Variants in CLASP2 observed in about 807,000 individuals in gnomAD.
CLASP2 encodes cytoplasmic linker associated protein 2.
In CLASP2, 47 loss-of-function variants were observed where a neutral mutation model predicts 194.4. That is an observed-to-expected ratio of 0.24 (90% CI 0.19 to 0.31). The LOEUF is 0.31. Among genes scored for constraint, CLASP2 ranks in the 10% least tolerant of loss-of-function variants. The pLI, the probability that CLASP2 is intolerant of heterozygous loss-of-function variation, is 1.00. For synonymous variants in CLASP2, 619 were observed against 633.5 expected, an observed-to-expected ratio of 0.98 and a Z score of 0.34; for missense variants, 1,445 against 1,823.6, an observed-to-expected ratio of 0.79 and a Z score of 3.78.
At chr3:33,569,965 A>C (rs1437411420) in intron 26 of CLASP2, among the ~76,000 whole-genome samples, 1 of 152,172 alleles carries the variant, frequency 6.6e-6, no homozygotes, top group Non-Finnish European at 1.5e-5. Context: ...AGTGAAATTC[A>C]TTAATATTTT....
intron 5 of CLASP2, among the ~76,000 whole-genome samples, chr3:33,685,030 T>TA (rs201257373): frequency 5.8e-4 from 82 of 140,238 alleles, no homozygotes; most frequent in East Asian, 1.5e-3. Flanking sequence ...AATAAATAAA[T>TA]AATAATAATA....
intron 6 of CLASP2, chr3:33,682,979 A>T (rs1369580146): frequency 2.0e-5 from 3 of 152,164 alleles, no homozygotes; most frequent in Non-Finnish European, 4.4e-5. Flanking sequence ...AACATTTTGC[A>T]ATTGTAAGAA....
chr3:33,552,910 T>G (rs1340285201), intron 29 of CLASP2, among the ~76,000 whole-genome samples: 1 of 152,182 alleles, frequency 6.6e-6, no homozygotes, highest in Non-Finnish European at 1.5e-5. Flanking sequence ...TGTTATTAAC[T>G]ATAGTCACCA....
chr3:33,502,859 TTAATA>T (rs2047153466), intron 37 of CLASP2: 1 of 152,234 alleles, frequency 6.6e-6, no homozygotes, highest in Non-Finnish European at 1.5e-5. Flanking sequence ...TTCCATCATT[TTAATA>T]TAATTGCAAT....
intron 30 of CLASP2, among the ~76,000 whole-genome samples, chr3:33,548,843 C>T (rs560367219): frequency 6.9e-6 from 1 of 145,914 alleles, no homozygotes; most frequent in Non-Finnish European, 1.5e-5. Context: ...TCATAGCTCA[C>T]TGCACCCTTG....
At chr3:33,663,373 A>AT in intron 7 of CLASP2, 72 bp downstream of exon 7, 1 of 1,110,104 alleles carries the variant, frequency 9.0e-7, no homozygotes, top group Non-Finnish European at 1.3e-6. Context: ...AATCAGTGAT[A>AT]TATAATACAT....
intron 6 of CLASP2, among the ~76,000 whole-genome samples, chr3:33,664,834 T>C (rs2085904512): frequency 6.6e-6 from 1 of 151,708 alleles, no homozygotes; most frequent in Admixed American, 6.6e-5. Context: ...GCGTGGTGGC[T>C]CATGCCTATA....
chr3:33,711,559 G>A (rs561666674), intron 1 of CLASP2, among the ~76,000 whole-genome samples: 35 of 151,338 alleles, frequency 2.3e-4, no homozygotes, highest in African/African-American at 8.2e-4. Context: ...CATGCTCAGC[G>A]CAGTATAGCA....
chr3:33,573,990 T>C (rs1177058184), intron 24 of CLASP2, among the ~76,000 whole-genome samples: 1 of 152,186 alleles, frequency 6.6e-6, no homozygotes, highest in Non-Finnish European at 1.5e-5. Context: ...AATGTATCTA[T>C]ATTGTTTAAT....
intron 12 of CLASP2, among the ~76,000 whole-genome samples, chr3:33,615,365 C>A: frequency 7.2e-6 from 1 of 138,878 alleles, no homozygotes; most frequent in African/African-American, 2.7e-5. Flanking sequence ...CAATAAGGAA[C>A]TTCTAAATTA....
chr3:33,702,549 G>A (rs1575699755), intron 1 of CLASP2, among the ~76,000 whole-genome samples: 1 of 152,100 alleles, frequency 6.6e-6, no homozygotes, highest in Non-Finnish European at 1.5e-5. Flanking sequence ...CTTGGCCATG[G>A]TTTCTTAGAC....
chr3:33,512,915 A>G (rs1352546144), intron 36 of CLASP2, among the ~76,000 whole-genome samples: 1 of 152,030 alleles, frequency 6.6e-6, no homozygotes, highest in Non-Finnish European at 1.5e-5. Flanking sequence ...GCTTGAACCC[A>G]GAGAGGCAGA....
chr3:33,716,144 T>C (rs771383551), intron 1 of CLASP2, among the ~76,000 whole-genome samples: 5 of 152,196 alleles, frequency 3.3e-5, no homozygotes, highest in Non-Finnish European at 4.4e-5. Flanking sequence ...GAAGATTATA[T>C]GGTCACAGCT....
At chr3:33,623,602 G>T (rs2077479737) in intron 10 of CLASP2, among the ~76,000 whole-genome samples, 1 of 151,920 alleles carries the variant, frequency 6.6e-6, no homozygotes. Flanking sequence ...CAAGCCACAG[G>T]ATTTCATCCT....
chr3:33,670,369 T>C (rs778535705), intron 6 of CLASP2, among the ~76,000 whole-genome samples: 3 of 152,204 alleles, frequency 2.0e-5, no homozygotes, highest in Non-Finnish European at 4.4e-5. Flanking sequence ...CTATAATTTA[T>C]AGATTTGTAT....
Position 33,613,640 on chromosome 3 carries a change from G to A in CLASP2, c.1318-1569C>T, listed in dbSNP as rs1364985951. On this transcript the variant is annotated intron_variant, in intron 12 of 38. Transcript: ENST00000682230. ...GCTGTTGAAGATGAGAATAATGCAA[G>A]AAAGTGTGCTGACATGCCTGTTAGT... 5.9e-5 allele frequency among the ~76,000 whole-genome samples: 9 copies of A among 152,186 alleles called. No individual in the cohort carries two copies. The East Asian group carries it at 1.5e-3, about 26-fold the overall frequency.
At chr3:33,521,480 A>G (rs2053069923) in intron 34 of CLASP2, among the ~76,000 whole-genome samples, 1 of 152,212 alleles carries the variant, frequency 6.6e-6, no homozygotes, top group Admixed American at 6.5e-5. Flanking sequence ...TACTGATGCA[A>G]AGAATGTATA....
In CLASP2 at chr3:33,597,736, G is replaced by T. The variant is rs367925941; in HGVS notation, c.1925-1002C>A. Among the ~76,000 whole-genome samples the T allele has an allele frequency of 4.0e-5, 6 of 150,464 alleles. No individual in the cohort carries two copies. The East Asian group carries it at 9.7e-4, about 24-fold the overall frequency. ...AACACTGTGAACATGTTGCATTGCT[G>T]TATTTCTTTTCTTTTCTTTCTTTTT... On this transcript the variant is annotated intron_variant, in intron 18 of 38. Coordinates refer to ENST00000682230, the MANE Select transcript of CLASP2 (RefSeq NM_001365631.1).
At chr3:33,651,041 T>G (rs145993074) in intron 7 of CLASP2, among the ~76,000 whole-genome samples, 3 of 152,306 alleles carry the variant, frequency 2.0e-5, no homozygotes, top group Admixed American at 2.0e-4. Context: ...TGAACTGATA[T>G]GAGGCTATTT....
Sources: allele counts gnomAD v4.1 joint callset (sites outside exome capture counted in the v4.1 genomes callset), GRCh38; gene constraint gnomAD v4.1.1; transcripts MANE v1.5; gene names NCBI Gene and HGNC (gene_info 2026-07-23, HGNC 2026-07-21).